Variants in DEPDC7 observed in about 807,000 individuals in gnomAD.
DEPDC7 encodes DEP domain containing 7.
DEPDC7 carries 41 observed loss-of-function variants against 56.6 expected under a neutral mutation model. The ratio of observed to expected loss-of-function variants is 0.72; its 90% CI spans 0.56 to 0.94. The LOEUF is 0.94. Among genes scored for constraint, DEPDC7 ranks in the 40% least tolerant of loss-of-function variants. DEPDC7 has a pLI of 0.00. For synonymous variants in DEPDC7, 185 were observed against 208.8 expected (o/e 0.89, Z 0.98); for missense variants, 522 against 596.3 (o/e 0.88, Z 1.30).
rs373032208 is a variant in DEPDC7 at position 33,021,732 on chromosome 11, G to GGGACC, written c.74-3926_74-3922dup. Among the ~76,000 whole-genome samples the GGGACC allele has an allele frequency of 1.6e-3, 238 of 152,208 alleles. 2 individuals are homozygous for GGGACC. The highest frequency in any genetic ancestry group is 6.8e-3 in the Middle Eastern group (2 of 292). The stretch of plus-strand genomic sequence containing the variant: ...GAATTAATGGTCAGTGAGAACAGAG[G>GGGACC]GGACCTGTGAGGGCTGCATTGTATC... On this transcript the variant is annotated intron_variant, in intron 1 of 8. Transcript: ENST00000241051.
chr11:33,023,420 A>G (rs1028004221), intron 1 of DEPDC7, among the ~76,000 whole-genome samples: 1 of 152,246 alleles, frequency 6.6e-6, no homozygotes, highest in Non-Finnish European at 1.5e-5. Context: ...ATTATGCTAC[A>G]AGTGAAATCA....
intron 1 of DEPDC7, among the ~76,000 whole-genome samples, chr11:33,017,133 A>G (rs1853472631): frequency 6.6e-6 from 1 of 152,224 alleles, no homozygotes; most frequent in Non-Finnish European, 1.5e-5. Flanking sequence ...TCTAAGAAAA[A>G]TCATAATATT....
chr11:33,021,295 G>C (rs1303704073), intron 1 of DEPDC7, among the ~76,000 whole-genome samples: 1 of 151,908 alleles, frequency 6.6e-6, no homozygotes, highest in Non-Finnish European at 1.5e-5. Context: ...CAAATGTAAG[G>C]AAGCATCAAG....
At chr11:33,024,736 AT>A (rs1250484981) in intron 1 of DEPDC7, among the ~76,000 whole-genome samples, 5 of 150,718 alleles carry the variant, frequency 3.3e-5, no homozygotes, top group African/African-American at 1.2e-4. Flanking sequence ...CTCCATTATA[AT>A]TGTATAGGAC....
intron 2 of DEPDC7, among the ~76,000 whole-genome samples, chr11:33,027,138 C>T (rs2133663947): frequency 6.6e-6 from 1 of 152,286 alleles, no homozygotes; most frequent in Admixed American, 6.5e-5. Context: ...GGTTCACCAT[C>T]CCTGGAGGCA....
intron 1 of DEPDC7, among the ~76,000 whole-genome samples, chr11:33,023,929 G>C (rs1853548552): frequency 6.6e-6 from 1 of 152,116 alleles, no homozygotes; most frequent in South Asian, 2.1e-4. Flanking sequence ...CTTAAAGGAA[G>C]TAATAACTTC....
chr11:33,030,960 A>C lies in DEPDC7; in HGVS notation c.783-418A>C, dbSNP rs12287906. Among the ~76,000 whole-genome samples, 1,170 of 152,322 alleles carry C rather than the reference A, an allele frequency of 7.7e-3. 10 individuals carry two copies. Among genetic ancestry groups the C allele is most frequent in the African/African-American group, 0.027 (1,104 of 41,570 alleles). ...GGGAGAGCTAATAGATCATAGACAGAGGTCTGAAGTAAGCAACATTGTGTT... is the reference window on the plus strand; with the variant it reads ...GGGAGAGCTAATAGATCATAGACAGCGGTCTGAAGTAAGCAACATTGTGTT... On this transcript the variant is annotated intron_variant, in intron 4 of 8. Transcript: ENST00000241051.
In DEPDC7 at chr11:33,015,902, G is replaced by T. The variant is rs562675622; in HGVS notation, c.-54G>T. 9 of 1,517,832 alleles carry T rather than the reference G, an allele frequency of 5.9e-6. 1 individual carries two copies. In the East Asian group the frequency reaches 7.8e-5, roughly 13 times the overall value. The allele number at this position is 1,517,832 out of a possible 1,614,324, so 94.0% of individuals were successfully genotyped here. A position where few individuals can be genotyped will look rare whatever the true frequency, so the allele number is the denominator to read the frequency against. ...CACAGTTAACAGACGGGCGCTCAGG[G>T]AGCTAGGGAGCTGTGAAGCTGCTGG... On this transcript the variant is annotated 5_prime_UTR_variant, in exon 1 of 9. Transcript: ENST00000241051.
chr11:33,030,197 A>T (rs903598190), intron 4 of DEPDC7, among the ~76,000 whole-genome samples: 15 of 152,168 alleles, frequency 9.9e-5, no homozygotes, highest in Admixed American at 9.2e-4. Context: ...CGACCTTGTG[A>T]TCTGTCCACC....
chr11:33,028,506 A>T, intron 3 of DEPDC7, 97 bp from the exon 4 acceptor site: 1 of 986,690 alleles, frequency 1.0e-6, no homozygotes, highest in Non-Finnish European at 1.4e-6. Flanking sequence ...CTTTTTGGCC[A>T]CAAATTTACT....
intron 2 of DEPDC7, chr11:33,026,504 C>G: frequency 4.4e-6 from 1 of 228,292 alleles, no homozygotes; most frequent in South Asian, 6.7e-5. Flanking sequence ...TTACCCTTTC[C>G]CCTTTGTTAC....
intron 5 of DEPDC7, 144 bp from the exon 6 acceptor site, chr11:33,032,192 A>G: frequency 1.4e-6 from 1 of 722,784 alleles, no homozygotes; most frequent in Non-Finnish European, 2.2e-6. Context: ...TTCACCATTC[A>G]TTGTTAATTC....
At chr11:33,026,075 C>T (rs370122271) in intron 2 of DEPDC7, 26 bp downstream of exon 2, 24 of 1,611,740 alleles carry the variant, frequency 1.5e-5, no homozygotes, top group Admixed American at 3.3e-5. Context: ...TAGATTATCA[C>T]GGGAATATTG....
chr11:33,028,869 ATTC>A, intron 4 of DEPDC7, 77 bp downstream of exon 4: 2 of 1,153,406 alleles, frequency 1.7e-6, no homozygotes, highest in East Asian at 2.5e-5. Flanking sequence ...AATCTGTTCT[ATTC>A]TTTTTTCTAT....
At chr11:33,030,717 T>G (rs1020964020) in intron 4 of DEPDC7, among the ~76,000 whole-genome samples, 8 of 152,094 alleles carry the variant, frequency 5.3e-5, no homozygotes, top group Admixed American at 5.2e-4. Context: ...CCAAGTATCT[T>G]GGATTACAGG....
intron 1 of DEPDC7, among the ~76,000 whole-genome samples, chr11:33,023,250 G>A (rs1173897441): frequency 6.6e-6 from 1 of 151,376 alleles, no homozygotes; most frequent in Non-Finnish European, 1.5e-5. Flanking sequence ...AAAAAATCTT[G>A]CTGATCATTT....
At chr11:33,021,215 C>A (rs1471204510) in intron 1 of DEPDC7, among the ~76,000 whole-genome samples, 1 of 149,570 alleles carries the variant, frequency 6.7e-6, no homozygotes, top group Non-Finnish European at 1.5e-5. Context: ...CGCACCACTG[C>A]ACTCCAGCCT....
chr11:33,023,278 A>G (rs1853541759), intron 1 of DEPDC7, among the ~76,000 whole-genome samples: 1 of 152,164 alleles, frequency 6.6e-6, no homozygotes, highest in African/African-American at 2.4e-5. Flanking sequence ...ACGTTATAAT[A>G]ATGGGTAGGT....
In DEPDC7 at chr11:33,032,339, A is replaced by G. The variant is rs1416029040; in HGVS notation, c.998A>G (p.Asn333Ser). The G allele has an allele frequency of 1.3e-6, 2 of 1,555,592 alleles. No homozygotes were observed. Among genetic ancestry groups the G allele is most frequent in the East Asian group, 2.4e-5 (1 of 41,432 alleles). The change falls in exon 6 of 9, where the codon AAT (asparagine) becomes AGT (serine). Residue 333 changes from asparagine (N) to serine (S), a missense_variant. Asn to Ser is a conservative substitution (Grantham distance 46, BLOSUM62 1). Transcript: ENST00000241051. ...AGTTTTTTTCTTTTGGCTAAAGTGA[A>G]TGGGAAGACGGAAATAGCTTTAGAA... ...VHNGIAELLV[N>S]GKTEIALEAT...
Sources: gnomAD v4.1 joint callset for allele counts (sites outside exome capture counted in the v4.1 genomes callset) on GRCh38, gnomAD v4.1.1 for gene constraint, MANE v1.5 for transcripts, NCBI Gene and HGNC (gene_info 2026-07-23, HGNC 2026-07-21) for gene names.